The following NEDD9 variants were observed in gnomAD, a reference collection of about 807,000 sequenced individuals.
NEDD9 encodes the protein neural precursor cell expressed, developmentally down-regulated 9.
A neutral mutation model predicts 76.6 loss-of-function variants in NEDD9; 26 were observed. The ratio of observed to expected loss-of-function variants is 0.34; its 90% confidence interval spans 0.25 to 0.47. The LOEUF (loss-of-function observed/expected upper bound fraction) is 0.47. NEDD9 is among the 20% of genes least tolerant of loss of function. NEDD9 has a pLI of 1.00. For synonymous variants in NEDD9, 392 were observed against 414.2 expected, an observed-to-expected ratio of 0.95 and a Z score of 0.65; for missense variants, 937 against 1,058.5, an observed-to-expected ratio of 0.89 and a Z score of 1.59.
At chr6:11,268,582 G>T (rs951494919) in intron 3 of NEDD9, among the ~76,000 whole-genome samples, 15 of 152,002 alleles carry the variant, frequency 9.9e-5, no homozygotes, top group Admixed American at 9.8e-4. Flanking sequence ...ACAAAAATTA[G>T]CCTGGCGTGA....
chr6:11,305,164 G>GA, intron 3 of NEDD9: 1 of 1,287,004 alleles, frequency 7.8e-7, no homozygotes, highest in South Asian at 1.2e-5. Flanking sequence ...GATTCTCTGA[G>GA]ATACAGAAAA....
At chr6:11,249,729 T>C (rs891022869) in intron 3 of NEDD9, among the ~76,000 whole-genome samples, 16 of 152,212 alleles carry the variant, frequency 1.1e-4, no homozygotes, top group Non-Finnish European at 1.5e-4. Context: ...TTGATAAATG[T>C]ACATGTGCCA....
chr6:11,200,480 A>C, intron 2 of NEDD9: 1 of 1,065,208 alleles, frequency 9.4e-7, no homozygotes, highest in Non-Finnish European at 1.2e-6. Context: ...GGGACAAGAC[A>C]ACAGGAACAA....
At chr6:11,251,876 G>A (rs985967064) in intron 3 of NEDD9, 4 of 152,270 alleles carry the variant, frequency 2.6e-5, no homozygotes, top group Admixed American at 6.5e-5. Context: ...TCAGTGCCAG[G>A]GATGGCTGAA....
Position 11,339,234 on chromosome 6 carries a change from A to C in NEDD9, c.-213-4673T>G, listed in dbSNP as rs188678460. ...TTTATCACTTTATTATAAACATTGG[A>C]GATAACTATTAAAATACCAAACATG... On this transcript the variant is annotated intron_variant, in intron 1 of 3. Transcript: ENST00000397378. Among the ~76,000 whole-genome samples, 648 of 152,324 alleles carry C rather than the reference A, an allele frequency of 4.3e-3. 2 individuals carry two copies. The highest frequency in any genetic ancestry group is 0.015 in the African/African-American group (616 of 41,562).
At chr6:11,265,249 G>T (rs906387898) in intron 3 of NEDD9, among the ~76,000 whole-genome samples, 3 of 152,184 alleles carry the variant, frequency 2.0e-5, no homozygotes, top group African/African-American at 7.2e-5. Context: ...ACTTCTTTGT[G>T]TCTACCAGGC....
chr6:11,185,062 A>C lies in NEDD9; in HGVS notation c.*100T>G. On this transcript the variant is annotated 3_prime_UTR_variant, in exon 7 of 7. Coordinates refer to ENST00000379446, the MANE Select transcript of NEDD9 (RefSeq NM_006403.4). ...ATGTTAAAATATTTCATTTTTATAT[A>C]AAATATCTACAAAAATAGATAACAT... 7.5e-7 allele frequency: 1 copy of C among 1,330,738 alleles called. No homozygotes were observed. Among genetic ancestry groups the C allele is most frequent in the Non-Finnish European group, 1.0e-6 (1 of 992,778 alleles). The allele number at this position is 1,330,738 out of a possible 1,614,324, so 82.4% of individuals were successfully genotyped here. A position where few individuals can be genotyped will look rare whatever the true frequency, so the allele number is the denominator to read the frequency against.
At chr6:11,369,871 T>C (rs1353434453) in intron 1 of NEDD9, among the ~76,000 whole-genome samples, 2 of 152,232 alleles carry the variant, frequency 1.3e-5, no homozygotes, top group Non-Finnish European at 2.9e-5. Flanking sequence ...TGATGGACTT[T>C]TGGATTGTGT....
chr6:11,354,797 T>C (rs1490663568), intron 1 of NEDD9, among the ~76,000 whole-genome samples: 1 of 151,944 alleles, frequency 6.6e-6, no homozygotes, highest in East Asian at 1.9e-4. Context: ...TAGGGAAGGG[T>C]CATAGCACAA....
intron 2 of NEDD9, among the ~76,000 whole-genome samples, chr6:11,320,121 C>T (rs1761755179): frequency 6.6e-6 from 1 of 152,176 alleles, no homozygotes. Flanking sequence ...GAGATGTGTC[C>T]TTCTTCTTAC....
Position 11,190,564 on chromosome 6 carries a change from C to G in NEDD9, c.1305G>C (p.Trp435Cys). 6.2e-7 allele frequency: 1 copy of G among 1,614,222 alleles called. No homozygotes were observed. The highest frequency in any genetic ancestry group is 8.5e-7 in the Non-Finnish European group (1 of 1,180,042). ...SSLMALVTTD[W>C]RCYGYMERHI... is the part of the protein sequence containing the mutation. ...GTCTTTCCATATATCCGTAACACCG[C>G]CAGTCGGTAGTGACCAGTGCCATTA... The change falls in exon 5 of 7, where the codon TGG becomes TGC. Residue 435 changes from tryptophan to cysteine, a missense_variant. Trp to Cys is a radical substitution (Grantham distance 215, BLOSUM62 -2). Coordinates refer to ENST00000379446, the MANE Select transcript of NEDD9 (RefSeq NM_006403.4). This position sits in a 1 kb window ranked among gnomAD's most constrained non-coding sequence, Gnocchi z 5.8.
intron 2 of NEDD9, among the ~76,000 whole-genome samples, chr6:11,312,149 G>T (rs556717929): frequency 7.9e-5 from 12 of 152,070 alleles, no homozygotes; most frequent in African/African-American, 2.2e-4. Context: ...ATTCTCTCCA[G>T]CTGGCCCTGG....
At chr6:11,200,558 A>C (rs962983441) in intron 2 of NEDD9, 37 of 1,084,746 alleles carry the variant, frequency 3.4e-5, no homozygotes, top group Non-Finnish European at 3.8e-5. Flanking sequence ...GTAATCACAG[A>C]TCTCAAGGCT....
intron 1 of NEDD9, among the ~76,000 whole-genome samples, chr6:11,360,793 T>A (rs1359405405): frequency 6.6e-6 from 1 of 152,184 alleles, no homozygotes; most frequent in Non-Finnish European, 1.5e-5. Context: ...TATAGCAGTG[T>A]GAGAACTGAC....
intron 3 of NEDD9, among the ~76,000 whole-genome samples, chr6:11,290,637 C>A (rs985153563): frequency 6.6e-6 from 1 of 152,126 alleles, no homozygotes; most frequent in African/African-American, 2.4e-5. Flanking sequence ...GGAAACAAAG[C>A]TCCAGCTGTA....
chr6:11,355,743 C>T lies in NEDD9; in HGVS notation c.-213-21182G>A, dbSNP rs535270417. On this transcript the variant is annotated intron_variant, in intron 1 of 3. Transcript: ENST00000397378. ...TTTTTTTTTAATTATTTTTTTGAGA[C>T]AGAGTCTCGCTCTGTCGCCCAGGCT... Among the ~76,000 whole-genome samples the T allele has an allele frequency of 3.5e-4, 53 of 151,726 alleles. 1 individual carries two copies. The East Asian group carries it at 0.01, about 29-fold the overall frequency.
intron 1 of NEDD9, among the ~76,000 whole-genome samples, chr6:11,368,915 CTG>C (rs1762813243): frequency 6.6e-6 from 1 of 152,148 alleles, no homozygotes; most frequent in African/African-American, 2.4e-5. Context: ...ACTTTAGGTG[CTG>C]TGTGTGTGTT....
chr6:11,212,423 TC>T (rs1397253219), intron 2 of NEDD9, among the ~76,000 whole-genome samples: 1 of 152,168 alleles, frequency 6.6e-6, no homozygotes, highest in Non-Finnish European at 1.5e-5. Flanking sequence ...TGCTTCTGTC[TC>T]CCCCACGGCA....
chr6:11,310,688 G>A (rs750743851), intron 2 of NEDD9, among the ~76,000 whole-genome samples: 8 of 152,176 alleles, frequency 5.3e-5, no homozygotes, highest in African/African-American at 1.7e-4. Flanking sequence ...ACAGCAGGCT[G>A]TTGCAGTTTA....
Sources: gnomAD v4.1 joint callset for allele counts (sites outside exome capture counted in the v4.1 genomes callset) on GRCh38, gnomAD v4.1.1 for gene constraint, Gnocchi (gnomAD v3.1) non-coding constraint, MANE v1.5 for transcripts, NCBI Gene and HGNC (gene_info 2026-07-23, HGNC 2026-07-21) for gene names.